VPS13A: variants seen among roughly 807,000 people sequenced by gnomAD.
VPS13A encodes intermembrane lipid transfer protein VPS13A.
A neutral mutation model predicts 390.9 loss-of-function variants in VPS13A; 264 were observed. That is an observed-to-expected ratio of 0.68 (90% CI 0.61 to 0.75). The LOEUF is 0.75. Ranked by LOEUF, VPS13A falls within the 30% of genes least tolerant of loss-of-function variation. The pLI, the probability that VPS13A is intolerant of heterozygous loss-of-function variation, is 0.00. For synonymous variants in VPS13A, 1,231 were observed against 1,227.1 expected (o/e 1.00, Z -0.07); for missense variants, 3,409 against 3,733.9 (o/e 0.91, Z 2.27).
At chr9:77,217,147 A>G (rs1485500399) in intron 10 of VPS13A, among the ~76,000 whole-genome samples, 2 of 152,190 alleles carry the variant, frequency 1.3e-5, no homozygotes, top group African/African-American at 4.8e-5. Flanking sequence ...AAAAGAGGGT[A>G]TGAAATAGGA....
At chr9:77,187,037 C>T (rs1356366997) in intron 1 of VPS13A, among the ~76,000 whole-genome samples, 2 of 152,116 alleles carry the variant, frequency 1.3e-5, no homozygotes, top group Non-Finnish European at 2.9e-5. Context: ...AAGGTGCATC[C>T]GTGTTGTAGG....
At chr9:77,185,854 T>C (rs4745618) in intron 1 of VPS13A, among the ~76,000 whole-genome samples, 75,423 of 152,106 alleles carry the variant, frequency 0.5, 18,909 homozygotes, top group South Asian at 0.6. Flanking sequence ...AGGTCAGGTA[T>C]AGTGGCTCAC....
chr9:77,271,767 A>G lies in VPS13A; in HGVS notation c.2428-1513A>G, dbSNP rs576307028. ...AAGAACTTAACAAAACTTGTATTCT[A>G]AAACCTAACAACTACATTATAAAAG... is the stretch of plus-strand genomic sequence containing the variant. On this transcript the variant is annotated intron_variant, in intron 23 of 71. Transcript: ENST00000360280. Among the ~76,000 whole-genome samples, 286 of 152,324 alleles carry G rather than the reference A, an allele frequency of 1.9e-3. 1 individual carries two copies. Among genetic ancestry groups the G allele is most frequent in the African/African-American group, 6.7e-3 (279 of 41,578 alleles).
In VPS13A at chr9:77,351,080, G is replaced by A. The variant is rs145607655; in HGVS notation, c.7290-237G>A. The A allele has an allele frequency of 7.1e-3, 2,868 of 405,914 alleles. 33 individuals are homozygous for A. Among genetic ancestry groups the A allele is most frequent in the Non-Finnish European group, 7.8e-3 (1,739 of 222,372 alleles). 25.1% of individuals were successfully genotyped at this position (405,914 alleles called of 1,614,324 possible). On this transcript the variant is annotated intron_variant, in intron 52 of 71. Transcript: ENST00000360280. ...AAAAAATTGACAAAACAGTTTTAAAGACTTGAAGACCTTTATTTCCTAAGT... is the reference window on the plus strand; with the variant it reads ...AAAAAATTGACAAAACAGTTTTAAAAACTTGAAGACCTTTATTTCCTAAGT...
chr9:77,261,724 A>G (rs754875047), intron 23 of VPS13A, among the ~76,000 whole-genome samples: 2 of 152,004 alleles, frequency 1.3e-5, no homozygotes, highest in East Asian at 1.9e-4. Context: ...AGCTGGGACT[A>G]CAAGTGCGTG....
intron 61 of VPS13A, 52 bp downstream of exon 61, chr9:77,366,924 TG>T: frequency 6.3e-7 from 1 of 1,581,694 alleles, no homozygotes; most frequent in Non-Finnish European, 8.6e-7. Context: ...CTATTTTATA[TG>T]TCCCTAAAAA....
intron 51 of VPS13A, among the ~76,000 whole-genome samples, chr9:77,344,589 C>T (rs986052321): frequency 5.9e-5 from 9 of 152,022 alleles, no homozygotes; most frequent in African/African-American, 2.2e-4. Context: ...AACCCTGTCT[C>T]TACTAAAGAA....
intron 31 of VPS13A, among the ~76,000 whole-genome samples, chr9:77,290,447 T>A (rs1274090099): frequency 1.3e-5 from 2 of 152,148 alleles, no homozygotes; most frequent in African/African-American, 4.8e-5. Flanking sequence ...TTTCAATATT[T>A]TTCATTTTTT....
At chr9:77,247,568 G>GTA (rs1317856558) in intron 20 of VPS13A, among the ~76,000 whole-genome samples, 173 bp downstream of exon 20, 1 of 152,134 alleles carries the variant, frequency 6.6e-6, no homozygotes, top group African/African-American at 2.4e-5. Context: ...TCTCAATTAG[G>GTA]TAGTTTTCCT....
At position 77,249,470 on chromosome 9, in the gene VPS13A, T is replaced by G. The variant is rs148448433; in HGVS notation, c.2038-627T>G. Reference sequence around the variant, plus strand: ...AACAGAGATAATCTTTTTTTGAGTGTTTACTTCACATGAGCTATATAGAGG... The same window carrying G: ...AACAGAGATAATCTTTTTTTGAGTGGTTACTTCACATGAGCTATATAGAGG... On this transcript the variant is annotated intron_variant, in intron 20 of 71. Coordinates refer to ENST00000360280, the MANE Select transcript of VPS13A (RefSeq NM_033305.3). Among the ~76,000 whole-genome samples, 5 of 152,332 alleles carry G rather than the reference T, an allele frequency of 3.3e-5. No homozygotes were observed. In the East Asian group the frequency reaches 5.8e-4, roughly 18 times the overall value.
In VPS13A at chr9:77,220,065, A is replaced by T; in HGVS notation, c.866A>T (p.Glu289Val). ...LEIELHNIAI[E>V]FNKPQYFSIM... is the part of the protein sequence containing the mutation. ...ATTGAGTTACATAACATAGCAATTGAATTTAATAAACCACAGGTGATTTTC... is the reference window on the plus strand; with the variant it reads ...ATTGAGTTACATAACATAGCAATTGTATTTAATAAACCACAGGTGATTTTC... Residue 289 changes from glutamate to valine, a missense_variant, in exon 11 of 72, where the codon GAA becomes GTA. Glu to Val is a moderately radical substitution (Grantham distance 121). This residue lies in a region of VPS13A where 2,717 missense variants were observed against 2,917.4 expected (regional missense o/e 0.93). Coordinates refer to ENST00000360280, the MANE Select transcript of VPS13A (RefSeq NM_033305.3). The T allele has an allele frequency of 6.2e-7, 1 of 1,610,242 alleles. No homozygotes were observed. Among genetic ancestry groups the T allele is most frequent in the African/African-American group, 1.3e-5 (1 of 74,954 alleles).
rs957661667 is a variant in VPS13A, at chr9:77,349,644, GTTGT to G, written c.7290-1670_7290-1667del. On this transcript the variant is annotated intron_variant, in intron 52 of 71. Coordinates refer to ENST00000360280, the MANE Select transcript of VPS13A (RefSeq NM_033305.3). ...AATCAGTTTATCTTCTTTTTTTGTT[GTTGT>G]TTATTTGTTTTTTGAGATGGAATTT... 2.0e-4 allele frequency among the ~76,000 whole-genome samples: 31 copies of G among 151,666 alleles called. No individual in the cohort carries two copies. The East Asian group carries it at 2.1e-3, about 10-fold the overall frequency.
At chr9:77,273,471 C>T in intron 24 of VPS13A, 107 bp downstream of exon 24, 1 of 920,508 alleles carries the variant, frequency 1.1e-6, no homozygotes, top group Non-Finnish European at 1.6e-6. Context: ...AATATCTTTT[C>T]CTTTTAAAAT....
chr9:77,185,537 A>G (rs1824278993), intron 1 of VPS13A, among the ~76,000 whole-genome samples: 1 of 152,158 alleles, frequency 6.6e-6, no homozygotes, highest in Non-Finnish European at 1.5e-5. Flanking sequence ...GAAAAACTTC[A>G]CATATCTGGT....
At chr9:77,266,210 A>T (rs762668466) in intron 23 of VPS13A, among the ~76,000 whole-genome samples, 4 of 152,188 alleles carry the variant, frequency 2.6e-5, no homozygotes, top group Admixed American at 2.0e-4. Flanking sequence ...TTTTACCTTC[A>T]ATTATGTGAT....
At position 77,370,944 on chromosome 9, in the gene VPS13A, A is replaced by G. The variant is rs551966616; in HGVS notation, c.8953+9A>G. ...TACAAAACCAATCAAAGGCAAGTAT[A>G]GTAGTTCCTTTGCAAGTCTTTCTAA... On this transcript the variant is annotated intron_variant, in intron 66 of 71. Coordinates refer to ENST00000360280, the MANE Select transcript of VPS13A (RefSeq NM_033305.3). 6.2e-6 allele frequency: 10 copies of G among 1,614,124 alleles called. No individual in the cohort carries two copies. Among genetic ancestry groups the G allele is most frequent in the Admixed American group, 3.3e-5 (2 of 60,022 alleles).
chr9:77,390,082 C>G (rs1254075270), intron 68 of VPS13A: 1 of 985,288 alleles, frequency 1.0e-6, no homozygotes, highest in African/African-American at 1.7e-5. Context: ...AAAGGTCTTA[C>G]TATAGCAGTC....
chr9:77,198,107 T>A (rs956712397), intron 1 of VPS13A, among the ~76,000 whole-genome samples: 3 of 152,122 alleles, frequency 2.0e-5, no homozygotes, highest in Non-Finnish European at 2.9e-5. Context: ...CCTACAATGC[T>A]GTGTTTTGAT....
chr9:77,194,061 C>G (rs1405389147), intron 1 of VPS13A, among the ~76,000 whole-genome samples: 4 of 152,014 alleles, frequency 2.6e-5, no homozygotes, highest in Admixed American at 1.3e-4. Context: ...GATGGTGGGG[C>G]CGGCAAAAGT....
Sources: allele counts gnomAD v4.1 joint callset (sites outside exome capture counted in the v4.1 genomes callset), GRCh38; gene constraint gnomAD v4.1.1; regional missense constraint gnomAD v4.1.1; transcripts MANE v1.5; gene names NCBI Gene and HGNC (gene_info 2026-07-23, HGNC 2026-07-21).